The following NLGN1 variants were observed in gnomAD, a reference collection of about 807,000 sequenced individuals.
NLGN1 encodes the protein neuroligin 1, also known as neuroligin-1.
A neutral mutation model predicts 65.5 loss-of-function variants in NLGN1; 12 were observed. The observed-to-expected ratio is 0.18, with a 90% confidence interval of 0.12 to 0.30. NLGN1 has a LOEUF of 0.30. NLGN1 is among the 10% of genes least tolerant of loss of function. The pLI is 1.00. For missense variants in NLGN1, 750 were observed against 1,007.1 expected (o/e 0.74, Z 3.46); for synonymous variants, 350 against 359.5 (o/e 0.97, Z 0.30).
At chr3:174,196,749 G>T (rs542793506) in intron 4 of NLGN1, among the ~76,000 whole-genome samples, 1 of 152,148 alleles carries the variant, frequency 6.6e-6, no homozygotes, top group African/African-American at 2.4e-5. Context: ...TTAAATAATT[G>T]CTAACAATCA....
intron 3 of NLGN1, among the ~76,000 whole-genome samples, chr3:173,751,102 C>T (rs1167995274): frequency 6.6e-6 from 1 of 152,056 alleles, no homozygotes; most frequent in African/African-American, 2.4e-5. Flanking sequence ...GGATTCCAGT[C>T]ACAAACTATA....
chr3:173,541,327 G>T (rs1448090228), intron 2 of NLGN1, among the ~76,000 whole-genome samples: 5 of 152,060 alleles, frequency 3.3e-5, no homozygotes, highest in Non-Finnish European at 1.5e-5. Context: ...TGTCATTATT[G>T]TAATAATAAC....
At chr3:173,567,357 A>G (rs569469398) in intron 2 of NLGN1, among the ~76,000 whole-genome samples, 1 of 152,170 alleles carries the variant, frequency 6.6e-6, no homozygotes, top group South Asian at 2.1e-4. Context: ...ACCCATATAA[A>G]GTTGAGATAT....
At chr3:173,942,775 T>G (rs1258062608) in intron 4 of NLGN1, among the ~76,000 whole-genome samples, 1 of 152,180 alleles carries the variant, frequency 6.6e-6, no homozygotes, top group Non-Finnish European at 1.5e-5. Context: ...TCCACTGAAA[T>G]AATAATATTC....
chr3:173,865,198 A>ATTAATCCT (rs1419077001), intron 4 of NLGN1, among the ~76,000 whole-genome samples: 1 of 152,098 alleles, frequency 6.6e-6, no homozygotes, highest in Non-Finnish European at 1.5e-5. Flanking sequence ...CACAGTTTGT[A>ATTAATCCT]TTAATCCTTT....
chr3:174,055,300 C>T (rs1735820364), intron 4 of NLGN1, among the ~76,000 whole-genome samples: 1 of 151,628 alleles, frequency 6.6e-6, no homozygotes, highest in Non-Finnish European at 1.5e-5. Context: ...GATACTGATT[C>T]TGGTTGAGGG....
At chr3:173,421,269 T>C (rs1560228405) in intron 1 of NLGN1, among the ~76,000 whole-genome samples, 1 of 152,020 alleles carries the variant, frequency 6.6e-6, no homozygotes, top group Admixed American at 6.5e-5. Context: ...AATTAGAATT[T>C]GCAAGAGTAC....
Position 173,751,881 on chromosome 3 carries a change from G to T in NLGN1, c.494-55799G>T, listed in dbSNP as rs1776351326. ...TCCTATTTTACAGATAGGAAGCTAA[G>T]GATTAAGGAGTTAATTAGCTTGACT... On this transcript the variant is annotated intron_variant, in intron 3 of 6. Coordinates refer to ENST00000457714, the Ensembl canonical transcript of NLGN1. Among the ~76,000 whole-genome samples the T allele has an allele frequency of 3.3e-5, 5 of 152,146 alleles. No individual in the cohort carries two copies. The South Asian group carries it at 1.0e-3, about 32-fold the overall frequency.
At chr3:173,871,592 A>G (rs1008216251) in intron 4 of NLGN1, among the ~76,000 whole-genome samples, 2 of 152,194 alleles carry the variant, frequency 1.3e-5, no homozygotes, top group Non-Finnish European at 2.9e-5. Flanking sequence ...ACTGGTTTTA[A>G]TCCTCTGAAA....
At chr3:173,767,484 C>CAGT (rs1778940429) in intron 3 of NLGN1, among the ~76,000 whole-genome samples, 2 of 151,744 alleles carry the variant, frequency 1.3e-5, no homozygotes, top group African/African-American at 2.4e-5. Flanking sequence ...TTTCACCAGA[C>CAGT]AGTAATAATA....
intron 3 of NLGN1, among the ~76,000 whole-genome samples, chr3:173,706,276 TG>T (rs1200200002): frequency 6.6e-6 from 1 of 152,166 alleles, no homozygotes; most frequent in Non-Finnish European, 1.5e-5. Flanking sequence ...CTTAACAATA[TG>T]GGGAGGACTT....
intron 4 of NLGN1, among the ~76,000 whole-genome samples, chr3:173,955,875 C>T (rs191014371): frequency 2.0e-5 from 3 of 151,970 alleles, no homozygotes; most frequent in Admixed American, 2.0e-4. Context: ...TTAAATAGAT[C>T]ACTATTGCAA....
At chr3:173,872,403 G>A (rs900908190) in intron 4 of NLGN1, among the ~76,000 whole-genome samples, 3 of 152,140 alleles carry the variant, frequency 2.0e-5, no homozygotes, top group Non-Finnish European at 2.9e-5. Flanking sequence ...ATAGCTTCTT[G>A]GCCATGTTCC....
intron 4 of NLGN1, among the ~76,000 whole-genome samples, chr3:173,829,900 C>T (rs1722154496): frequency 6.6e-6 from 1 of 151,752 alleles, no homozygotes; most frequent in Non-Finnish European, 1.5e-5. Context: ...TGTGATGTTT[C>T]CTTCTTACCT....
intron 3 of NLGN1, among the ~76,000 whole-genome samples, chr3:173,700,431 C>G (rs1042866677): frequency 1.3e-5 from 2 of 152,154 alleles, no homozygotes; most frequent in Admixed American, 6.5e-5. Flanking sequence ...CTGTAATGTA[C>G]TTTGTACTCT....
intron 3 of NLGN1, among the ~76,000 whole-genome samples, chr3:173,654,723 CT>C (rs35669211): frequency 1.3e-5 from 2 of 151,910 alleles, no homozygotes; most frequent in African/African-American, 2.4e-5. Flanking sequence ...AAGCATTTTC[CT>C]TTTTTTTCTA....
At chr3:173,909,314 T>A (rs1365605716) in intron 4 of NLGN1, among the ~76,000 whole-genome samples, 2 of 151,204 alleles carry the variant, frequency 1.3e-5, no homozygotes, top group East Asian at 2.0e-4. Flanking sequence ...CCATCTTTTT[T>A]ATGATAAATT....
At chr3:174,008,356 C>A (rs919389391) in intron 4 of NLGN1, among the ~76,000 whole-genome samples, 3 of 136,556 alleles carry the variant, frequency 2.2e-5, no homozygotes, top group East Asian at 2.5e-4. Context: ...CCGTCCCCCC[C>A]ACCCCCCGCC....
At chr3:173,924,353 T>G (rs1002051975) in intron 4 of NLGN1, among the ~76,000 whole-genome samples, 4 of 152,194 alleles carry the variant, frequency 2.6e-5, no homozygotes, top group African/African-American at 9.6e-5. Context: ...AATACAGTAT[T>G]ATGGAGAAGG....
Sources: allele counts gnomAD v4.1 joint callset (sites outside exome capture counted in the v4.1 genomes callset), GRCh38; gene constraint gnomAD v4.1.1; transcripts MANE v1.5; gene names NCBI Gene and HGNC (gene_info 2026-07-23, HGNC 2026-07-21).